Variants in TNFAIP8 observed in about 807,000 individuals in gnomAD.
TNFAIP8 encodes tumor necrosis factor alpha-induced protein 8.
Under a neutral mutation model 13.3 loss-of-function variants are expected in TNFAIP8, and 7 were observed. The observed-to-expected ratio is 0.52, with a 90% CI of 0.30 to 0.99. The LOEUF (loss-of-function observed/expected upper bound fraction) is 0.99. TNFAIP8 is among the 50% of genes least tolerant of loss of function. TNFAIP8 has a pLI of 0.07. For synonymous variants in TNFAIP8, 94 were observed against 87.6 expected (o/e 1.07, Z -0.41); for missense variants, 258 against 236.9 (o/e 1.09, Z -0.58).
chr5:119,277,401 A>AT lies in TNFAIP8; in HGVS notation c.1+8504dup, dbSNP rs536702857. Reference sequence around the variant, plus strand: ...GTGTAGACACAAGTTTCCATCAGGGATTTTTTTTTTGTCCTTCAGCCTGAA... The same window carrying AT: ...GTGTAGACACAAGTTTCCATCAGGGATTTTTTTTTTTGTCCTTCAGCCTGAA... On this transcript the variant is annotated intron_variant, in intron 1 of 1. Transcript: ENST00000274456. Among the ~76,000 whole-genome samples, 123 of 149,398 alleles carry AT rather than the reference A, an allele frequency of 8.2e-4. No homozygotes were observed. The East Asian group carries it at 0.013, about 15-fold the overall frequency.
chr5:119,393,499 C>T lies in TNFAIP8; in HGVS notation c.*118C>T. ...ACACATATTTCAGAAAGACTTTACC[C>T]AATTCAGTTGTCAGACATAATGATT... is the stretch of plus-strand genomic sequence containing the variant. On this transcript the variant is annotated 3_prime_UTR_variant, in exon 2 of 2. Coordinates refer to ENST00000504771, the MANE Select transcript of TNFAIP8 (RefSeq NM_014350.4). 9.9e-7 allele frequency: 1 copy of T among 1,011,244 alleles called. No homozygotes were observed. The highest frequency in any genetic ancestry group is 1.7e-5 in the South Asian group (1 of 59,810). The allele number at this position is 1,011,244 out of a possible 1,614,324, so 62.6% of individuals were successfully genotyped here.
chr5:119,393,380 G>T lies in TNFAIP8; in HGVS notation c.596G>T (p.Ter199LeuextTer7). The change falls in exon 2 of 2, where the codon TGA becomes TTA. Residue 199 changes from the stop codon to leucine, a stop_lost. Coordinates refer to ENST00000504771, the MANE Select transcript of TNFAIP8 (RefSeq NM_014350.4). The stretch of plus-strand genomic sequence containing the variant: ...AAAATGTTGGATGAAGAGAACATAT[G>T]AGCACATGAGTTAAGATTGTGACTG... ...INKMLDEENI[*>L] 1.2e-6 allele frequency: 2 copies of T among 1,609,838 alleles called. No homozygotes were observed. The highest frequency in any genetic ancestry group is 2.2e-5 in the South Asian group (2 of 90,668).
At chr5:119,321,304 G>A (rs1052631180) in intron 1 of TNFAIP8, among the ~76,000 whole-genome samples, 3 of 152,100 alleles carry the variant, frequency 2.0e-5, no homozygotes, top group African/African-American at 4.8e-5. Flanking sequence ...TTTTGTTTTG[G>A]TTTGAATTGG....
rs73247094 is a variant in TNFAIP8 at position 119,271,510 on chromosome 5, G to A, written c.1+2603G>A. ...CATTCCTCACTGCCTCCATTTATGC[G>A]TGATAGCAGTTGAAGGGGCTGAAAA... On this transcript the variant is annotated intron_variant, in intron 1 of 1. Transcript: ENST00000274456. 1.8e-3 allele frequency among the ~76,000 whole-genome samples: 279 copies of A among 152,282 alleles called. 1 individual carries two copies. Among genetic ancestry groups the A allele is most frequent in the African/African-American group, 6.1e-3 (253 of 41,542 alleles).
At chr5:119,289,447 A>C (rs1328353763) in intron 1 of TNFAIP8, among the ~76,000 whole-genome samples, 1 of 152,254 alleles carries the variant, frequency 6.6e-6, no homozygotes, top group African/African-American at 2.4e-5. Context: ...GTACTTAGCC[A>C]TAACTTCAAG....
intron 1 of TNFAIP8, among the ~76,000 whole-genome samples, chr5:119,381,828 A>G (rs1752496415): frequency 6.6e-6 from 1 of 152,118 alleles, no homozygotes; most frequent in Non-Finnish European, 1.5e-5. Flanking sequence ...GCTACTCAGA[A>G]GGCTGAGGCA....
Position 119,398,936 on chromosome 5 carries a change from T to C in TNFAIP8, c.*5555T>C, listed in dbSNP as rs1753135001. On this transcript the variant is annotated 3_prime_UTR_variant, in exon 2 of 2. Transcript: ENST00000504771. ...GTCAGCATCTTTTGCTGCTCTCTTC[T>C]AAGACCATTGGTTTTCACTAAAGGA... 6.6e-6 allele frequency: 1 copy of C among 152,218 alleles called. No individual in the cohort carries two copies. The highest frequency in any genetic ancestry group is 2.1e-4 in the South Asian group (1 of 4,838). The allele number at this position is 152,218 out of a possible 1,614,324, so 9.4% of individuals were successfully genotyped here. A position where few individuals can be genotyped will look rare whatever the true frequency, so the allele number is the denominator to read the frequency against.
At chr5:119,370,055 T>C (rs977638618) in intron 1 of TNFAIP8, among the ~76,000 whole-genome samples, 1 of 152,260 alleles carries the variant, frequency 6.6e-6, no homozygotes, top group Non-Finnish European at 1.5e-5. Context: ...GAAAAGGGAA[T>C]GTTTTAGGTA....
chr5:119,361,755 T>C (rs1250020722), intron 1 of TNFAIP8, among the ~76,000 whole-genome samples: 3 of 152,176 alleles, frequency 2.0e-5, no homozygotes, highest in African/African-American at 7.2e-5. Context: ...CAATATGTGT[T>C]TTCATGTGGC....
At chr5:119,291,333 T>C (rs1392853103) in intron 1 of TNFAIP8, among the ~76,000 whole-genome samples, 1 of 152,216 alleles carries the variant, frequency 6.6e-6, no homozygotes, top group Non-Finnish European at 1.5e-5. Context: ...TTGCTACATG[T>C]GTGTACAGCC....
At chr5:119,373,201 A>G (rs1178011045) in intron 1 of TNFAIP8, among the ~76,000 whole-genome samples, 1 of 152,082 alleles carries the variant, frequency 6.6e-6, no homozygotes, top group Non-Finnish European at 1.5e-5. Context: ...ACTTTCCTAT[A>G]AGATAAAAAC....
At position 119,364,841 on chromosome 5, in the gene TNFAIP8, G is replaced by GTTTTTTTTT. The variant is rs10714712; in HGVS notation, c.31+8740_31+8748dup. Reference sequence around the variant, plus strand: ...GGTTTTTTCCCCTTTTTTCTTTTCAGTTTTTTTTTTTTTTTTTTTTTTTTT... The same window carrying GTTTTTTTTT: ...GGTTTTTTCCCCTTTTTTCTTTTCAGTTTTTTTTTTTTTTTTTTTTTTTTTTTTTTTTTT... On this transcript the variant is annotated intron_variant, in intron 1 of 1. Transcript: ENST00000504771. Among the ~76,000 whole-genome samples the GTTTTTTTTT allele has an allele frequency of 1.4e-4, 12 of 88,708 alleles. 2 individuals carry two copies. The highest frequency in any genetic ancestry group is 4.2e-4 in the African/African-American group (9 of 21,492). The allele number at this position is 88,708 out of a possible 152,430, so 58.2% of individuals were successfully genotyped here.
In TNFAIP8 at chr5:119,356,067, C is replaced by T; in HGVS notation, c.-24C>T. On this transcript the variant is annotated 5_prime_UTR_variant, in exon 1 of 2. Transcript: ENST00000504771. ...CGAGTACATGTGAGCGGTAATCGCC[C>T]CTGCAGCTGGTTATCCTGACATTAT... 6.4e-7 allele frequency: 1 copy of T among 1,573,968 alleles called. No individual in the cohort carries two copies. The highest frequency in any genetic ancestry group is 8.6e-7 in the Non-Finnish European group (1 of 1,159,030).
At chr5:119,281,005 C>G (rs561450956) in intron 1 of TNFAIP8, among the ~76,000 whole-genome samples, 28 of 152,148 alleles carry the variant, frequency 1.8e-4, no homozygotes, top group African/African-American at 5.3e-4. Context: ...ATTGTCCCAT[C>G]TTTGACCAAT....
intron 1 of TNFAIP8, among the ~76,000 whole-genome samples, chr5:119,367,505 T>A (rs1751903285): frequency 6.6e-6 from 1 of 152,234 alleles, no homozygotes; most frequent in African/African-American, 2.4e-5. Flanking sequence ...TCTATTTTTT[T>A]AAATGGCACC....
chr5:119,300,579 A>G lies in TNFAIP8; in HGVS notation c.1+31672A>G, dbSNP rs116653286. ...TAGTTACCATTTTTTCTTGCTTACT[A>G]TGTACTTCTCTAAGGATCTGTTTTC... is the stretch of plus-strand genomic sequence containing the variant. On this transcript the variant is annotated intron_variant, in intron 1 of 1. Transcript: ENST00000274456. Among the ~76,000 whole-genome samples the G allele has an allele frequency of 3.5e-3, 527 of 152,272 alleles. 3 individuals are homozygous for G. Among genetic ancestry groups the G allele is most frequent in the African/African-American group, 0.011 (476 of 41,546 alleles).
chr5:119,303,333 G>A (rs563379692), intron 1 of TNFAIP8, among the ~76,000 whole-genome samples: 72 of 152,290 alleles, frequency 4.7e-4, no homozygotes, highest in Non-Finnish European at 9.0e-4. Flanking sequence ...CCCAGTTAAT[G>A]TTTTGCCACT....
rs1034602171 is a variant in TNFAIP8, at chr5:119,396,065, A to T, written c.*2684A>T. The T allele has an allele frequency of 6.6e-6, 1 of 152,188 alleles. No homozygotes were observed. Among genetic ancestry groups the T allele is most frequent in the Non-Finnish European group, 1.5e-5 (1 of 68,038 alleles). 9.4% of individuals were successfully genotyped at this position (152,188 alleles called of 1,614,324 possible). On this transcript the variant is annotated 3_prime_UTR_variant, in exon 2 of 2. Coordinates refer to ENST00000504771, the MANE Select transcript of TNFAIP8 (RefSeq NM_014350.4). ...CCACAATCTTCACCATCTTATAGAT[A>T]AGGAAACTAGGGGAATAGAAGTTAA...
chr5:119,371,489 A>T (rs1285850605), intron 1 of TNFAIP8, among the ~76,000 whole-genome samples: 2 of 152,202 alleles, frequency 1.3e-5, no homozygotes, highest in East Asian at 3.8e-4. Flanking sequence ...TTTTCCAAGC[A>T]TAACTGCTAG....
Sources: gnomAD v4.1 joint callset for allele counts (sites outside exome capture counted in the v4.1 genomes callset) on GRCh38, gnomAD v4.1.1 for gene constraint, MANE v1.5 for transcripts, NCBI Gene and HGNC (gene_info 2026-07-23, HGNC 2026-07-21) for gene names.